Variants in CUL3 observed in about 807,000 individuals in gnomAD.
CUL3 encodes the protein cullin-3.
In CUL3, 19 loss-of-function variants were observed where a neutral mutation model predicts 89.1. That is an observed-to-expected ratio of 0.21 (90% CI 0.15 to 0.31). The LOEUF (loss-of-function observed/expected upper bound fraction) is 0.31. Among genes scored for constraint, CUL3 ranks in the 10% least tolerant of loss-of-function variants. The pLI, the probability that CUL3 is intolerant of heterozygous loss-of-function variation, is 1.00. For synonymous variants in CUL3, 351 were observed against 308.4 expected (o/e 1.14, Z -1.45); for missense variants, 469 against 942.3 (o/e 0.50, Z 6.58).
intron 1 of CUL3, among the ~76,000 whole-genome samples, chr2:224,583,751 T>C (rs930887206): frequency 3.3e-5 from 5 of 152,210 alleles, no homozygotes; most frequent in Admixed American, 3.3e-4. Context: ...GGTCCTCATG[T>C]TCTCTGAAAC....
chr2:224,535,437 TG>T, intron 3 of CUL3, 90 bp downstream of exon 3: 2 of 810,088 alleles, frequency 2.5e-6, no homozygotes, highest in Non-Finnish European at 3.9e-6. Flanking sequence ...CCCAAAGTGC[TG>T]GGATTACAGG....
intron 1 of CUL3, among the ~76,000 whole-genome samples, chr2:224,566,399 CTGCACT>C (rs1428878675): frequency 6.6e-6 from 1 of 152,238 alleles, no homozygotes; most frequent in Non-Finnish European, 1.5e-5. Context: ...AAAAACCTGA[CTGCACT>C]TGCACAGAAC....
rs557940917 is a variant in CUL3 at position 224,537,930 on chromosome 2, G to C, written c.265-2289C>G. Among the ~76,000 whole-genome samples, 9 of 152,048 alleles carry C rather than the reference G, an allele frequency of 5.9e-5. 2 individuals carry two copies. Among genetic ancestry groups the C allele is most frequent in the African/African-American group, 2.2e-4 (9 of 41,442 alleles). ...ATAAGGCATGTTCTTTCAAATCACTGATTTGTACATTTTATAAAAAAATAT... is the reference window on the plus strand; with the variant it reads ...ATAAGGCATGTTCTTTCAAATCACTCATTTGTACATTTTATAAAAAAATAT... On this transcript the variant is annotated intron_variant, in intron 2 of 15. Transcript: ENST00000264414.
intron 2 of CUL3, among the ~76,000 whole-genome samples, chr2:224,552,544 A>C (rs1350224028): frequency 1.3e-5 from 2 of 152,170 alleles, no homozygotes; most frequent in Non-Finnish European, 2.9e-5. Context: ...AATCCCAAAG[A>C]GATGTCCTCT....
chr2:224,534,985 A>C (rs531715990), intron 3 of CUL3, among the ~76,000 whole-genome samples: 1 of 151,030 alleles, frequency 6.6e-6, no homozygotes, highest in Non-Finnish European at 1.5e-5. Flanking sequence ...TGGGGAACAG[A>C]GCGAGACCCC....
At chr2:224,579,668 T>C (rs747100466) in intron 1 of CUL3, among the ~76,000 whole-genome samples, 20 of 151,804 alleles carry the variant, frequency 1.3e-4, no homozygotes, top group Non-Finnish European at 1.5e-5. Flanking sequence ...CATTAGGGAG[T>C]GGGCATTTTA....
intron 2 of CUL3, among the ~76,000 whole-genome samples, chr2:224,546,525 G>A (rs1694307847): frequency 6.6e-6 from 1 of 152,094 alleles, no homozygotes; most frequent in African/African-American, 2.4e-5. Context: ...ACTGCTGGTA[G>A]TATTCTCAAA....
intron 1 of CUL3, among the ~76,000 whole-genome samples, chr2:224,564,913 C>T (rs1029158170): frequency 6.6e-6 from 1 of 152,208 alleles, no homozygotes; most frequent in African/African-American, 2.4e-5. Flanking sequence ...CCTAATTATA[C>T]AAGCTAGAAA....
chr2:224,577,468 C>T lies in CUL3; in HGVS notation c.66+7476G>A, dbSNP rs1223217327. 2.0e-5 allele frequency among the ~76,000 whole-genome samples: 3 copies of T among 151,854 alleles called. 1 individual carries two copies. The highest frequency in any genetic ancestry group is 4.1e-4 in the South Asian group (2 of 4,822). On this transcript the variant is annotated intron_variant, in intron 1 of 15. Coordinates refer to ENST00000264414, the MANE Select transcript of CUL3 (RefSeq NM_003590.5). The stretch of plus-strand genomic sequence containing the variant: ...CCTGTAGTCCCAGCTACCAGGGAGG[C>T]TGAGGCAGGAGAATGGCGTGAACCC...
chr2:224,557,871 AGAG>A lies in CUL3; in HGVS notation c.67-18_67-16del. On this transcript the variant is annotated splice_polypyrimidine_tract_variant and intron_variant, in intron 1 of 15. Transcript: ENST00000264414. ...TCCATGGTCATCTGTAATATCCAAGAGAGAGAAGAGACAAAAAAAAAAAAAAAA... is the reference window on the plus strand; with the variant it reads ...TCCATGGTCATCTGTAATATCCAAGAAGAAGAGACAAAAAAAAAAAAAAAA... The A allele has an allele frequency of 2.9e-6, 2 of 684,430 alleles. No individual in the cohort carries two copies. The highest frequency in any genetic ancestry group is 2.4e-6 in the Non-Finnish European group (1 of 421,872). The allele number at this position is 684,430 out of a possible 1,614,324, so 42.4% of individuals were successfully genotyped here.
At position 224,478,292 on chromosome 2, in the gene CUL3, C is replaced by A. The variant is rs1559335478; in HGVS notation, c.2083G>T (p.Val695Leu). The change falls in exon 15 of 16, where the codon GTA becomes TTA. Residue 695 changes from valine to leucine, a missense_variant. Val to Leu is a conservative substitution (Grantham distance 32, BLOSUM62 1). Around this residue, in one of 4 missense-constraint regions of CUL3, gnomAD observed 65 missense variants for 147.8 expected, o/e 0.44. Coordinates refer to ENST00000264414, the MANE Select transcript of CUL3 (RefSeq NM_003590.5). ...ATCTCATGTTTTCTGTCGTCGTCTA[C>A]TTTCTGCCTTGTTTCTTTCCTCTCT... ...DPERKETRQK[V>L]DDDRKHEIEA... 1 of 1,613,774 alleles carries A rather than the reference C, an allele frequency of 6.2e-7. No individual in the cohort carries two copies. Among genetic ancestry groups the A allele is most frequent in the Admixed American group, 1.7e-5 (1 of 60,008 alleles).
At chr2:224,569,621 G>T in intron 1 of CUL3, 1 of 756,660 alleles carries the variant, frequency 1.3e-6, no homozygotes, top group South Asian at 4.8e-5. Context: ...CATTACTTCA[G>T]ATGATATAAA....
Position 224,500,898 on chromosome 2 carries a change from A to G in CUL3, c.1486-411T>C, listed in dbSNP as rs373890797. The stretch of plus-strand genomic sequence containing the variant: ...CTCAGCCTCCCAAAGTGCTGGGACT[A>G]TAGGCGTGAGACATCGCACCCGGCA... On this transcript the variant is annotated intron_variant, in intron 10 of 15. Coordinates refer to ENST00000264414, the MANE Select transcript of CUL3 (RefSeq NM_003590.5). Among the ~76,000 whole-genome samples, 11 of 152,300 alleles carry G rather than the reference A, an allele frequency of 7.2e-5. No homozygotes were observed. The South Asian group carries it at 1.7e-3, about 23-fold the overall frequency.
At chr2:224,522,100 CTA>C (rs1052106160) in intron 3 of CUL3, among the ~76,000 whole-genome samples, 9 of 150,050 alleles carry the variant, frequency 6.0e-5, no homozygotes, top group Non-Finnish European at 1.2e-4. Context: ...GCAAATAACT[CTA>C]TGACAAGTCT....
chr2:224,491,520 A>C (rs11891923), intron 13 of CUL3, among the ~76,000 whole-genome samples: 10,310 of 152,076 alleles, frequency 0.068, 582 homozygotes, highest in African/African-American at 0.14. Flanking sequence ...GATTTTGATA[A>C]TTTTTTCAAT....
Position 224,585,303 on chromosome 2 carries a change from G to A in CUL3, c.-294C>T, listed in dbSNP as rs1266423325. 5.0e-6 allele frequency: 2 copies of A among 400,912 alleles called. No individual in the cohort carries two copies. The highest frequency in any genetic ancestry group is 8.7e-6 in the Non-Finnish European group (2 of 228,778). 24.8% of individuals were successfully genotyped at this position (400,912 alleles called of 1,614,324 possible). A position where few individuals can be genotyped will look rare whatever the true frequency, so the allele number is the denominator to read the frequency against. On this transcript the variant is annotated 5_prime_UTR_variant, in exon 1 of 16. Coordinates refer to ENST00000264414, the MANE Select transcript of CUL3 (RefSeq NM_003590.5). ...TCGGCTCCCTTTATCGCGCTCCTCCGCGATGGCGGCGGCGGCGGCGACGGA... is the reference window on the plus strand; with the variant it reads ...TCGGCTCCCTTTATCGCGCTCCTCCACGATGGCGGCGGCGGCGGCGACGGA...
At chr2:224,488,430 G>T (rs566916731) in intron 13 of CUL3, among the ~76,000 whole-genome samples, 6 of 152,196 alleles carry the variant, frequency 3.9e-5, no homozygotes, top group Admixed American at 6.5e-5. Context: ...ACGATAAAGT[G>T]GATATCACCA....
intron 1 of CUL3, among the ~76,000 whole-genome samples, chr2:224,575,536 G>A (rs1294290146): frequency 1.3e-5 from 2 of 152,088 alleles, no homozygotes; most frequent in African/African-American, 4.8e-5. Context: ...AGATCAAAGG[G>A]CACATTAACG....
intron 2 of CUL3, among the ~76,000 whole-genome samples, chr2:224,539,358 G>A (rs544411174): frequency 1.9e-4 from 29 of 152,326 alleles, no homozygotes; most frequent in African/African-American, 5.8e-4. Flanking sequence ...CAGTGGGAAT[G>A]TAACATGGTA....
Sources: allele counts gnomAD v4.1 joint callset (sites outside exome capture counted in the v4.1 genomes callset), GRCh38; gene constraint gnomAD v4.1.1; regional missense constraint gnomAD v4.1.1; transcripts MANE v1.5; gene names NCBI Gene and HGNC (gene_info 2026-07-23, HGNC 2026-07-21).